The following FPGS variants were observed in gnomAD, a reference collection of about 807,000 sequenced individuals.
The protein encoded by FPGS is folylpolyglutamate synthase, mitochondrial.
FPGS carries 53 observed loss-of-function variants against 66.5 expected under a neutral mutation model. The observed-to-expected ratio is 0.80, with a 90% CI of 0.64 to 1.00. The LOEUF (loss-of-function observed/expected upper bound fraction) is 1.00, where lower values mean the gene tolerates loss of function less well. FPGS is among the 50% of genes least tolerant of loss of function. FPGS has a pLI of 0.00. For synonymous variants in FPGS, 348 were observed against 350.9 expected, an observed-to-expected ratio of 0.99 and a Z score of 0.09; for missense variants, 702 against 807.7, an observed-to-expected ratio of 0.87 and a Z score of 1.59.
intron 9 of FPGS, 69 bp from the exon 10 acceptor site, chr9:127,808,489 G>A: frequency 1.9e-6 from 3 of 1,590,572 alleles, no homozygotes; most frequent in Non-Finnish European, 1.7e-6. Flanking sequence ...GCTGGGGGAG[G>A]GGAGAGATGC....
In FPGS at chr9:127,813,555, AC is replaced by A. The variant is rs757045766; in HGVS notation, c.1717del (p.Leu573TrpfsTer6). On this transcript the variant is annotated frameshift_variant, in exon 15 of 15. Transcript: ENST00000373247. LOFTEE classifies it high-confidence loss of function. ...AIHVLVTGSL[H>X]LVGGVLKLLE... ...CATGTGCTAGTCACTGGCAGCCTGC[AC>A]CTGGTGGGTGGTGTCCTGAAGCTGC... 6.3e-6 allele frequency: 10 copies of A among 1,592,922 alleles called. No individual in the cohort carries two copies. In the Admixed American group the frequency reaches 1.5e-4, roughly 25 times the overall value.
At chr9:127,804,964 C>A (rs1350862111) in intron 4 of FPGS, 7 of 405,902 alleles carry the variant, frequency 1.7e-5, no homozygotes, top group Non-Finnish European at 2.7e-5. Flanking sequence ...TCTTGGCTCA[C>A]TGCAACCCCC....
chr9:127,806,916 G>T (rs955093138), intron 4 of FPGS, 57 bp from the exon 5 acceptor site: 11 of 1,303,632 alleles, frequency 8.4e-6, no homozygotes, highest in South Asian at 2.4e-5. Flanking sequence ...CCTGCAGGGT[G>T]GGGGAAGGCC....
chr9:127,810,397 T>C (rs1830025206), intron 13 of FPGS, among the ~76,000 whole-genome samples: 1 of 152,110 alleles, frequency 6.6e-6, no homozygotes, highest in Non-Finnish European at 1.5e-5. Context: ...GGCACTAGCA[T>C]ATCACCCTGG....
chr9:127,813,100 C>G (rs1210204032), intron 14 of FPGS, 95 bp from the exon 15 acceptor site: 1 of 1,485,896 alleles, frequency 6.7e-7, no homozygotes, highest in Non-Finnish European at 8.9e-7. Context: ...AGGCTTGGTG[C>G]GAAGCAGGTG....
Position 127,808,613 on chromosome 9 carries a change from T to A in FPGS, c.878T>A (p.Leu293Gln). ...LEALEEGGPPLTLGLEGEHQR... is the reference protein window; with the variant it reads ...LEALEEGGPPQTLGLEGEHQR... ...GCCCTCGAGGAAGGGGGGCCGCCGC[T>A]GACCCTGGGCCTGGAGGGGGAGCAC... Residue 293 changes from leucine to glutamine, a missense_variant, in exon 10 of 15, where the codon CTG becomes CAG. Around this residue, in one of 3 missense-constraint regions of FPGS, gnomAD observed 240 missense variants for 348.6 expected, o/e 0.69. Transcript: ENST00000373247. The A allele has an allele frequency of 6.2e-7, 1 of 1,612,266 alleles. No homozygotes were observed. The highest frequency in any genetic ancestry group is 8.5e-7 in the Non-Finnish European group (1 of 1,179,742).
At chr9:127,803,184 C>G (rs1025799335) in intron 1 of FPGS, 122 bp downstream of exon 1, 39 of 944,570 alleles carry the variant, frequency 4.1e-5, no homozygotes, top group East Asian at 3.9e-4. Flanking sequence ...CTGGGGGACT[C>G]GGGGGGCGGA....
chr9:127,804,989 A>G (rs1282249303), intron 4 of FPGS: 1 of 350,640 alleles, frequency 2.9e-6, no homozygotes. Flanking sequence ...GCCAGGTTCA[A>G]GCAATTCTCC....
chr9:127,810,011 G>T lies in FPGS; in HGVS notation c.1212-20G>T. 6.2e-7 allele frequency: 1 copy of T among 1,605,290 alleles called. No individual in the cohort carries two copies. Among genetic ancestry groups the T allele is most frequent in the Non-Finnish European group, 8.5e-7 (1 of 1,176,512 alleles). ...AGAACGGGCGGCGCCCTTTGACCCA[G>T]CTCCTCACCTCTGTCGCAGTGGCCC... On this transcript the variant is annotated intron_variant, in intron 12 of 14. Transcript: ENST00000373247.
In FPGS at chr9:127,809,839, G is replaced by A. The variant is rs546918500; in HGVS notation, c.1211+5G>A. 1,261 of 1,444,660 alleles carry A rather than the reference G, an allele frequency of 8.7e-4. 8 individuals carry two copies. The highest frequency in any genetic ancestry group is 8.1e-3 in the African/African-American group (545 of 67,552). 89.5% of individuals were successfully genotyped at this position (1,444,660 alleles called of 1,614,324 possible). A position where few individuals can be genotyped will look rare whatever the true frequency, so the allele number is the denominator to read the frequency against. On this transcript the variant is annotated splice_donor_5th_base_variant and intron_variant, in intron 12 of 14. Transcript: ENST00000373247. ...GGGCCGCGAGAGGCCGAGCGGGTGA[G>A]GGGCAGGGCTGGGGGTGGGGCCGGG...
intron 4 of FPGS, chr9:127,804,975 G>C (rs1829753741): frequency 2.7e-6 from 1 of 364,326 alleles, no homozygotes; most frequent in African/African-American, 2.2e-5. Flanking sequence ...TGCAACCCCC[G>C]CCTGCCAGGT....
At position 127,813,315 on chromosome 9, in the gene FPGS, C is replaced by G. The variant is rs763973951; in HGVS notation, c.1475C>G (p.Pro492Arg). 2 of 1,613,202 alleles carry G rather than the reference C, an allele frequency of 1.2e-6. No homozygotes were observed. The highest frequency in any genetic ancestry group is 1.7e-6 in the Non-Finnish European group (2 of 1,179,958). ...CCGGACCTCTGGAGTGCCCCCAGCC[C>G]AGAGCCCGGTGGGTCCGCATCCCTG... is the stretch of plus-strand genomic sequence containing the variant. ...ASPDLWSAPS[P>R]EPGGSASLLL... Residue 492 changes from proline to arginine, a missense_variant, in exon 15 of 15, where the codon CCA becomes CGA. Pro to Arg is a moderately radical substitution (Grantham distance 103, BLOSUM62 -2). This residue lies in a region of FPGS where 351 missense variants were observed against 363.7 expected (regional missense o/e 0.97). Coordinates refer to ENST00000373247, the MANE Select transcript of FPGS (RefSeq NM_004957.6).
intron 12 of FPGS, 50 bp downstream of exon 12, chr9:127,809,884 C>T: frequency 1.8e-6 from 1 of 560,402 alleles, no homozygotes; most frequent in African/African-American, 2.7e-5. Flanking sequence ...CGAGGAGGGG[C>T]GGGATCTTGG....
Position 127,804,497 on chromosome 9 carries a change from A to G in FPGS, c.268-2A>G, listed in dbSNP as rs1187976758. 1 of 1,614,110 alleles carries G rather than the reference A, an allele frequency of 6.2e-7. No homozygotes were observed. Among genetic ancestry groups the G allele is most frequent in the East Asian group, 2.2e-5 (1 of 44,884 alleles). Reference sequence around the variant, plus strand: ...GGCAGGGACCTTGTCTGTCTGTCCCAGGTGGAGGACTTGGACCGGCTGAAC... The same window carrying G: ...GGCAGGGACCTTGTCTGTCTGTCCCGGGTGGAGGACTTGGACCGGCTGAAC... On this transcript the variant is annotated splice_acceptor_variant, in intron 2 of 14. Transcript: ENST00000373247. LOFTEE classifies it high-confidence loss of function.
chr9:127,810,966 G>A lies in FPGS; in HGVS notation c.1309G>A (p.Val437Ile), dbSNP rs373630875. The A allele has an allele frequency of 1.1e-4, 175 of 1,583,342 alleles. No individual in the cohort carries two copies. Among genetic ancestry groups the A allele is most frequent in the Non-Finnish European group, 1.4e-4 (165 of 1,162,292 alleles). Residue 437 changes from valine to isoleucine, a missense_variant, in exon 14 of 15, where the codon GTC becomes ATC. By Grantham distance (29) the Val-to-Ile change is conservative (BLOSUM62 3). This residue lies in a region of FPGS where 351 missense variants were observed against 363.7 expected (regional missense o/e 0.97). Transcript: ENST00000373247. ...CTAGCCCTGCCAGTTTGACTATGCC[G>A]TCTTCTGCCCTAACCTGACAGAGGT... ...LLQPCQFDYA[V>I]FCPNLTEVSS... is the part of the protein sequence containing the mutation.
chr9:127,811,092 G>A lies in FPGS; in HGVS notation c.1354+81G>A, dbSNP rs562739936. On this transcript the variant is annotated intron_variant, in intron 14 of 14. Coordinates refer to ENST00000373247, the MANE Select transcript of FPGS (RefSeq NM_004957.6). Reference sequence around the variant, plus strand: ...GTGGGGGCTTCCAAACTGGAGGTTTGGGGTAGGAAATAAATTTGTTTTACT... The same window carrying A: ...GTGGGGGCTTCCAAACTGGAGGTTTAGGGTAGGAAATAAATTTGTTTTACT... The A allele has an allele frequency of 5.4e-4, 401 of 742,992 alleles. 2 individuals carry two copies. The African/African-American group carries it at 6.6e-3, about 12-fold the overall frequency. The allele number at this position is 742,992 out of a possible 1,614,324, so 46.0% of individuals were successfully genotyped here.
Position 127,813,746 on chromosome 9 carries a change from C to T in FPGS, c.*142C>T, listed in dbSNP as rs755688918. 6.1e-6 allele frequency: 8 copies of T among 1,307,746 alleles called. No individual in the cohort carries two copies. Among genetic ancestry groups the T allele is most frequent in the African/African-American group, 4.6e-5 (3 of 65,448 alleles). 81.0% of individuals were successfully genotyped at this position (1,307,746 alleles called of 1,614,324 possible). ...GGGCCAGGGCTTTGGGATGGGAGGC[C>T]GGGAGAGGATGTCTTTTTTAAGGCT... On this transcript the variant is annotated 3_prime_UTR_variant, in exon 15 of 15. Coordinates refer to ENST00000373247, the MANE Select transcript of FPGS (RefSeq NM_004957.6).
In FPGS at chr9:127,808,878, A is replaced by G. The variant is rs1305626275; in HGVS notation, c.1049A>G (p.His350Arg). The G allele has an allele frequency of 6.4e-7, 1 of 1,560,924 alleles. No individual in the cohort carries two copies. The highest frequency in any genetic ancestry group is 1.7e-4 in the Middle Eastern group (1 of 5,882). Residue 350 changes from histidine (H) to arginine (R), a missense_variant, in exon 11 of 15, where the codon CAC becomes CGC. His to Arg is a conservative substitution (Grantham distance 29). This residue lies in a region of FPGS where 351 missense variants were observed against 363.7 expected (regional missense o/e 0.97). Transcript: ENST00000373247. ...GCACCTGTGTTCCAGCCCACATCCC[A>G]CATGCGGCTCGGTGAGTTAGACCTT... ...PLAPVFQPTS[H>R]MRLGLRNTEW...
intron 4 of FPGS, among the ~76,000 whole-genome samples, chr9:127,805,421 AG>A (rs1829771057): frequency 6.6e-6 from 1 of 151,844 alleles, no homozygotes; most frequent in Non-Finnish European, 1.5e-5. Context: ...AAAAAAAAAA[AG>A]AAAATTACAT....
Sources: gnomAD v4.1 joint callset for allele counts (sites outside exome capture counted in the v4.1 genomes callset) on GRCh38, gnomAD v4.1.1 for gene constraint, gnomAD v4.1.1 regional missense constraint, MANE v1.5 for transcripts, NCBI Gene and HGNC (gene_info 2026-07-23, HGNC 2026-07-21) for gene names.